The following TRIB3 variants were observed in gnomAD, a reference collection of about 807,000 sequenced individuals.
The protein encoded by TRIB3 is tribbles homolog 3.
In TRIB3, 20 loss-of-function variants were observed where a neutral mutation model predicts 16.6. That is an observed-to-expected ratio of 1.20 (90% confidence interval 0.85 to 1.75). The LOEUF (loss-of-function observed/expected upper bound fraction) is 1.75, where lower values mean the gene tolerates loss of function less well. TRIB3 is among the 40% of genes most tolerant of loss of function. TRIB3 has a pLI of 0.00. For missense variants in TRIB3, 484 were observed against 488.9 expected, an observed-to-expected ratio of 0.99 and a Z score of 0.10; for synonymous variants, 208 against 217.0, an observed-to-expected ratio of 0.96 and a Z score of 0.36.
At chr20:388,978 A>G (rs934255196) in intron 2 of TRIB3, among the ~76,000 whole-genome samples, 1 of 152,106 alleles carries the variant, frequency 6.6e-6, no homozygotes, top group African/African-American at 2.4e-5. Flanking sequence ...AGGGGTAGAA[A>G]AGTCTGAGGA....
rs779380315 is a variant in TRIB3 at position 396,275 on chromosome 20, C to T, written c.662C>T (p.Ala221Val). ...GPDDSLWDKH[A>V]CPAYVGPEIL... is the part of the protein sequence containing the mutation. ...GATGATTCCCTGTGGGACAAGCACG[C>T]GTGCCCAGCCTACGTGGGACCTGAG... is the stretch of plus-strand genomic sequence containing the variant. The change falls in exon 4 of 4, where the codon GCG (alanine) becomes GTG (valine). Residue 221 changes from alanine to valine, a missense_variant. Coordinates refer to ENST00000217233, the MANE Select transcript of TRIB3 (RefSeq NM_021158.5). 111 of 1,613,960 alleles carry T rather than the reference C, an allele frequency of 6.9e-5. No individual in the cohort carries two copies. The East Asian group carries it at 2.3e-3, about 33-fold the overall frequency.
intron 2 of TRIB3, among the ~76,000 whole-genome samples, chr20:389,588 G>A (rs1450977726): frequency 3.9e-5 from 6 of 152,110 alleles, no homozygotes; most frequent in Admixed American, 1.3e-4. Context: ...GATCTCCAGC[G>A]CCCTTACCAG....
rs1285530069 is a variant in TRIB3 at position 391,279 on chromosome 20, G to A, written c.292-8G>A. On this transcript the variant is annotated splice_polypyrimidine_tract_variant and splice_region_variant and intron_variant, in intron 2 of 3. Coordinates refer to ENST00000217233, the MANE Select transcript of TRIB3 (RefSeq NM_021158.5). ...CCCAGCTGTGCTAACACCATGCTCT[G>A]CCCACAGGTGTACCCCGTCCAGGAA... 6.2e-7 allele frequency: 1 copy of A among 1,610,102 alleles called. No homozygotes were observed. The highest frequency in any genetic ancestry group is 8.5e-7 in the Non-Finnish European group (1 of 1,179,450).
At chr20:392,438 T>A (rs1179097613) in intron 3 of TRIB3, among the ~76,000 whole-genome samples, 1 of 152,122 alleles carries the variant, frequency 6.6e-6, no homozygotes, top group Non-Finnish European at 1.5e-5. Flanking sequence ...TTTTCAGGAT[T>A]CCAAGACCAC....
chr20:381,698 G>T (rs1454775786), intron 1 of TRIB3, among the ~76,000 whole-genome samples: 1 of 151,974 alleles, frequency 6.6e-6, no homozygotes, highest in African/African-American at 2.4e-5. Context: ...GGTGGCAGGG[G>T]TTGGCGGTGC....
At chr20:382,164 C>T (rs77090548) in intron 1 of TRIB3, among the ~76,000 whole-genome samples, 3,391 of 152,182 alleles carry the variant, frequency 0.022, 137 homozygotes, top group African/African-American at 0.077. Context: ...GTAACCCGCC[C>T]TCATTTCCCT....
At chr20:384,019 T>C (rs1241187832) in intron 1 of TRIB3, among the ~76,000 whole-genome samples, 1 of 149,924 alleles carries the variant, frequency 6.7e-6, no homozygotes, top group Non-Finnish European at 1.5e-5. Flanking sequence ...CACCCTCTCC[T>C]TCACCCCTCA....
At chr20:395,458 GC>G (rs1288451048) in intron 3 of TRIB3, among the ~76,000 whole-genome samples, 19 of 151,076 alleles carry the variant, frequency 1.3e-4, no homozygotes, top group Non-Finnish European at 2.7e-4. Context: ...ACCGCGCCCA[GC>G]CTTACACACT....
In TRIB3 at chr20:388,021, C is replaced by T; in HGVS notation, c.11C>T (p.Thr4Ile). 1 of 1,612,390 alleles carries T rather than the reference C, an allele frequency of 6.2e-7. No individual in the cohort carries two copies. Among genetic ancestry groups the T allele is most frequent in the Non-Finnish European group, 8.5e-7 (1 of 1,178,564 alleles). Reference sequence around the variant, plus strand: ...TCTCCTTTTTACCAGATGCGAGCCACCCCTCTGGCTGCTCCTGCGGGTTCC... The same window carrying T: ...TCTCCTTTTTACCAGATGCGAGCCATCCCTCTGGCTGCTCCTGCGGGTTCC... MRATPLAAPAGSLS... is the reference protein window; with the variant it reads MRAIPLAAPAGSLS... The change falls in exon 2 of 4, where the codon ACC becomes ATC. Residue 4 changes from threonine to isoleucine, a missense_variant. Coordinates refer to ENST00000217233, the MANE Select transcript of TRIB3 (RefSeq NM_021158.5).
chr20:386,827 C>T (rs1200497949), intron 1 of TRIB3, among the ~76,000 whole-genome samples: 1 of 151,956 alleles, frequency 6.6e-6, no homozygotes, highest in East Asian at 1.9e-4. Context: ...ACCTTGGCCT[C>T]CCAAAGTGCT....
At chr20:386,598 A>C (rs909424125) in intron 1 of TRIB3, among the ~76,000 whole-genome samples, 10 of 149,424 alleles carry the variant, frequency 6.7e-5, no homozygotes, top group Non-Finnish European at 3.0e-5. Context: ...CCCGTGACGG[A>C]GTCTTGTTCT....
Position 387,058 on chromosome 20 carries a change from A to G in TRIB3, c.1-953A>G, listed in dbSNP as rs568628459. ...GAGCCACCACGCCTGGCCAGGAAAT[A>G]CATTTACATGGCTCAAATTCAAAAC... On this transcript the variant is annotated intron_variant, in intron 1 of 3. Coordinates refer to ENST00000217233, the MANE Select transcript of TRIB3 (RefSeq NM_021158.5). 4.6e-5 allele frequency among the ~76,000 whole-genome samples: 7 copies of G among 152,290 alleles called. No homozygotes were observed. In the East Asian group the frequency reaches 1.4e-3, roughly 29 times the overall value.
intron 1 of TRIB3, among the ~76,000 whole-genome samples, chr20:385,042 A>G (rs2014760577): frequency 6.6e-6 from 1 of 152,190 alleles, no homozygotes; most frequent in South Asian, 2.1e-4. Flanking sequence ...GGGGACCACT[A>G]ACCACCTCTG....
intron 2 of TRIB3, among the ~76,000 whole-genome samples, chr20:390,997 G>A (rs1257596391): frequency 8.0e-5 from 7 of 87,456 alleles, no homozygotes; most frequent in South Asian, 5.7e-4. Context: ...GCGAGACTCC[G>A]TCTCAAAAAA....
At chr20:385,527 G>C (rs1481300567) in intron 1 of TRIB3, 2 of 151,866 alleles carry the variant, frequency 1.3e-5, no homozygotes, top group African/African-American at 4.8e-5. Context: ...CCCAGAACAG[G>C]GGTTACTGGA....
Position 380,978 on chromosome 20 carries a change from G to C in TRIB3, c.-192G>C, listed in dbSNP as rs914373895. 6.6e-6 allele frequency: 1 copy of C among 150,488 alleles called. No individual in the cohort carries two copies. Among genetic ancestry groups the C allele is most frequent in the Admixed American group, 6.6e-5 (1 of 15,050 alleles). 9.3% of individuals were successfully genotyped at this position (150,488 alleles called of 1,614,324 possible). On this transcript the variant is annotated 5_prime_UTR_variant, in exon 1 of 4. Transcript: ENST00000217233. ...CCGGTTTGCATCACCCGGACCGGGGGCCGGGCGCGCACGAGACTCGCAGCG... is the reference window on the plus strand; with the variant it reads ...CCGGTTTGCATCACCCGGACCGGGGCCCGGGCGCGCACGAGACTCGCAGCG...
chr20:381,803 G>T (rs2014660690), intron 1 of TRIB3, among the ~76,000 whole-genome samples: 1 of 152,214 alleles, frequency 6.6e-6, no homozygotes, highest in Non-Finnish European at 1.5e-5. Context: ...GGCCCGGCAG[G>T]GCCGCTGGTT....
At position 380,830 on chromosome 20, in the gene TRIB3, GGC is replaced by G. The variant is rs2014615497; in HGVS notation, c.-336_-335del. 1 of 150,774 alleles carries G rather than the reference GGC, an allele frequency of 6.6e-6. No homozygotes were observed. The highest frequency in any genetic ancestry group is 1.5e-5 in the Non-Finnish European group (1 of 67,692). 9.3% of individuals were successfully genotyped at this position (150,774 alleles called of 1,614,324 possible). A position where few individuals can be genotyped will look rare whatever the true frequency, so the allele number is the denominator to read the frequency against. ...ATGCAGAGGAGAGAGGCCCGGGCGCGGCGCGGGGGATGGTGCGATCCCGGGCC... is the reference window on the plus strand; with the variant it reads ...ATGCAGAGGAGAGAGGCCCGGGCGCGGCGGGGGATGGTGCGATCCCGGGCC... On this transcript the variant is annotated 5_prime_UTR_variant, in exon 1 of 4. An upstream open reading frame in the 5' UTR gains an earlier in-frame stop. Transcript: ENST00000217233.
chr20:396,289 G>T lies in TRIB3; in HGVS notation c.676G>T (p.Val226Leu). 1 of 1,613,878 alleles carries T rather than the reference G, an allele frequency of 6.2e-7. No individual in the cohort carries two copies. The highest frequency in any genetic ancestry group is 1.1e-5 in the South Asian group (1 of 91,082). ...LWDKHACPAY[V>L]GPEILSSRAS... Reference sequence around the variant, plus strand: ...GGACAAGCACGCGTGCCCAGCCTACGTGGGACCTGAGATACTCAGCTCACG... The same window carrying T: ...GGACAAGCACGCGTGCCCAGCCTACTTGGGACCTGAGATACTCAGCTCACG... Residue 226 changes from valine (V) to leucine (L), a missense_variant, in exon 4 of 4, where the codon GTG (valine) becomes TTG (leucine). Coordinates refer to ENST00000217233, the MANE Select transcript of TRIB3 (RefSeq NM_021158.5).
Sources: allele counts gnomAD v4.1 joint callset (sites outside exome capture counted in the v4.1 genomes callset), GRCh38; gene constraint gnomAD v4.1.1; transcripts MANE v1.5; gene names NCBI Gene and HGNC (gene_info 2026-07-23, HGNC 2026-07-21).